The following PCDHGB7 variants were observed in gnomAD, a reference collection of about 807,000 sequenced individuals.
The protein encoded by PCDHGB7 is protocadherin gamma-B7.
PCDHGB7 carries 37 observed loss-of-function variants against 61.4 expected under a neutral mutation model. The ratio of observed to expected loss-of-function variants is 0.60; its 90% CI spans 0.46 to 0.79. The LOEUF is 0.79. PCDHGB7 is among the 30% of genes least tolerant of loss of function. The probability of loss-of-function intolerance (pLI) is 0.00; values close to 1 mark genes in which losing one functional copy is unlikely to be tolerated. For missense variants in PCDHGB7, 1,166 were observed against 1,202.5 expected (o/e 0.97, Z 0.45); for synonymous variants, 464 against 503.5 (o/e 0.92, Z 1.05).
Position 141,512,270 on chromosome 5 carries a change from G to C in PCDHGB7, c.*1097G>C, listed in dbSNP as rs1188941232. On this transcript the variant is annotated 3_prime_UTR_variant, in exon 4 of 4. Transcript: ENST00000398594. ...TCTGTGGGTGCTGGGTACTCCAGAG[G>C]TGCCACTGGTGGAAGGGTCAGCGGA... 6.5e-6 allele frequency: 1 copy of C among 152,714 alleles called. No homozygotes were observed. The highest frequency in any genetic ancestry group is 2.4e-5 in the African/African-American group (1 of 41,452). The allele number at this position is 152,714 out of a possible 1,614,324, so 9.5% of individuals were successfully genotyped here. A position where few individuals can be genotyped will look rare whatever the true frequency, so the allele number is the denominator to read the frequency against.
At position 141,466,670 on chromosome 5, in the gene PCDHGB7, G is replaced by C. The variant is rs994949602; in HGVS notation, c.2416-28137G>C. On this transcript the variant is annotated intron_variant, in intron 1 of 3. Transcript: ENST00000398594. ...TTCACAAAACATCAGTGATTTCACC[G>C]TTCTTCCACTCAAGCTTCATCATAA... Among the ~76,000 whole-genome samples, 3 of 152,046 alleles carry C rather than the reference G, an allele frequency of 2.0e-5. No homozygotes were observed. The South Asian group carries it at 6.2e-4, about 32-fold the overall frequency.
chr5:141,509,550 T>C (rs1562240751), intron 3 of PCDHGB7, among the ~76,000 whole-genome samples: 1 of 152,142 alleles, frequency 6.6e-6, no homozygotes, highest in Non-Finnish European at 1.5e-5. Flanking sequence ...TCTCATTTAG[T>C]CCTCACAGCA....
intron 2 of PCDHGB7, 99 bp from the exon 3 acceptor site, chr5:141,505,294 G>T: frequency 6.4e-7 from 1 of 1,572,086 alleles, no homozygotes; most frequent in Non-Finnish European, 8.6e-7. Context: ...GCATGGGGTA[G>T]GGTTAGGGTA....
chr5:141,474,242 G>A (rs575397598), intron 1 of PCDHGB7, among the ~76,000 whole-genome samples: 1 of 152,192 alleles, frequency 6.6e-6, no homozygotes, highest in African/African-American at 2.4e-5. Context: ...GCTGAATAGG[G>A]GAAAAAAAGA....
Position 141,419,271 on chromosome 5 carries a change from T to C in PCDHGB7, c.1412T>C (p.Ile471Thr), listed in dbSNP as rs2096352878. 4 of 1,613,902 alleles carry C rather than the reference T, an allele frequency of 2.5e-6. No homozygotes were observed. In the South Asian group the frequency reaches 3.3e-5, roughly 13 times the overall value. ...VPENNQPGAS[I>T]AQVSASDPDF... is the part of the protein sequence containing the mutation. ...GAAAACAACCAGCCGGGTGCCTCCA[T>C]AGCGCAAGTCAGTGCCTCTGACCCA... The change falls in exon 1 of 4, where the codon ATA (isoleucine) becomes ACA (threonine). Residue 471 changes from isoleucine (I) to threonine (T), a missense_variant. Physicochemically the swap from Ile to Thr is moderately conservative, Grantham distance 89. Transcript: ENST00000398594.
At chr5:141,448,331 A>T (rs2098582637) in intron 1 of PCDHGB7, among the ~76,000 whole-genome samples, 1 of 152,146 alleles carries the variant, frequency 6.6e-6, no homozygotes, top group Non-Finnish European at 1.5e-5. Flanking sequence ...GAATCTTTAT[A>T]GCCATGTACC....
Position 141,507,461 on chromosome 5 carries a change from G to A in PCDHGB7, c.2563+1980G>A, listed in dbSNP as rs145114393. On this transcript the variant is annotated intron_variant, in intron 3 of 3. Coordinates refer to ENST00000398594, the MANE Select transcript of PCDHGB7 (RefSeq NM_018927.4). ...AGCTGACGGAAGGACAGAGAGAGAG[G>A]TGGCAGGGACTGCTGGCCTCCTGAG... Among the ~76,000 whole-genome samples the A allele has an allele frequency of 3.8e-3, 581 of 152,330 alleles. 5 individuals are homozygous for A. Among genetic ancestry groups the A allele is most frequent in the African/African-American group, 0.012 (485 of 41,570 alleles).
Position 141,418,941 on chromosome 5 carries a change from C to T in PCDHGB7, c.1082C>T (p.Pro361Leu). 1 of 1,614,034 alleles carries T rather than the reference C, an allele frequency of 6.2e-7. No homozygotes were observed. The highest frequency in any genetic ancestry group is 8.5e-7 in the Non-Finnish European group (1 of 1,179,882). The change falls in exon 1 of 4, where the codon CCT becomes CTT. Residue 361 changes from proline (P) to leucine (L), a missense_variant. Pro to Leu is a moderately conservative substitution (Grantham distance 98, BLOSUM62 -3). Transcript: ENST00000398594. ...SLSDQIMEDSPPGVVVALFKT... is the reference protein window; with the variant it reads ...SLSDQIMEDSLPGVVVALFKT... ...TCTGATCAGATTATGGAGGATTCCC[C>T]TCCAGGAGTGGTTGTTGCCCTCTTC...
intron 2 of PCDHGB7, among the ~76,000 whole-genome samples, chr5:141,499,099 C>T (rs1031964059): frequency 1.3e-5 from 2 of 152,156 alleles, no homozygotes; most frequent in Non-Finnish European, 2.9e-5. Context: ...ACATGCTTCT[C>T]CTCCCCACCA....
chr5:141,478,849 C>A, intron 1 of PCDHGB7: 1 of 1,375,282 alleles, frequency 7.3e-7, no homozygotes, highest in Non-Finnish European at 9.6e-7. Flanking sequence ...TAAGCTAAAA[C>A]ACAAGATCTC....
chr5:141,489,641 C>T lies in PCDHGB7; in HGVS notation c.2416-5166C>T, dbSNP rs1356716387. On this transcript the variant is annotated intron_variant, in intron 1 of 3. Coordinates refer to ENST00000398594, the MANE Select transcript of PCDHGB7 (RefSeq NM_018927.4). This position sits in a 1 kb window ranked among gnomAD's most constrained non-coding sequence, Gnocchi z 4.5. The stretch of plus-strand genomic sequence containing the variant: ...CTCAATGACAACTCTCCTAGCTTTG[C>T]CACCCCTGAGCGAGAGATGCGCATC... The T allele has an allele frequency of 2.5e-6, 4 of 1,614,008 alleles. No individual in the cohort carries two copies. The highest frequency in any genetic ancestry group is 3.4e-6 in the Non-Finnish European group (4 of 1,180,012).
intron 1 of PCDHGB7, among the ~76,000 whole-genome samples, chr5:141,483,679 CAGAA>C (rs1470395939): frequency 6.7e-6 from 1 of 149,028 alleles, no homozygotes; most frequent in Non-Finnish European, 1.5e-5. Flanking sequence ...TAAAAGAACA[CAGAA>C]AGCCAGATTC....
rs548074156 is a variant in PCDHGB7 at position 141,511,069 on chromosome 5, G to A, written c.2686G>A (p.Gly896Ser). The A allele has an allele frequency of 6.2e-7, 1 of 1,614,230 alleles. No individual in the cohort carries two copies. Among genetic ancestry groups the A allele is most frequent in the Non-Finnish European group, 8.5e-7 (1 of 1,180,034 alleles). ...CTACCGCCAGAATGTCTACATCCCA[G>A]GCAGCAATGCCACACTGACCAACGC... ...PDYRQNVYIP[G>S]SNATLTNAAG... The change falls in exon 4 of 4, where the codon GGC becomes AGC. Residue 896 changes from glycine (G) to serine (S), a missense_variant. Physicochemically the swap from Gly to Ser is moderately conservative, Grantham distance 56 (BLOSUM62 0). Transcript: ENST00000398594.
intron 1 of PCDHGB7, among the ~76,000 whole-genome samples, chr5:141,449,909 A>G (rs2098658849): frequency 6.6e-6 from 1 of 151,828 alleles, no homozygotes; most frequent in Non-Finnish European, 1.5e-5. Context: ...TATAGTCCAT[A>G]TTTAAATTCT....
In PCDHGB7 at chr5:141,419,373, T is replaced by C; in HGVS notation, c.1514T>C (p.Val505Ala). 1.9e-6 allele frequency: 3 copies of C among 1,613,754 alleles called. No individual in the cohort carries two copies. Among genetic ancestry groups the C allele is most frequent in the Non-Finnish European group, 2.5e-6 (3 of 1,179,894 alleles). ...DLESRTLSSYVSVSAQSGVVF... is the reference protein window; with the variant it reads ...DLESRTLSSYASVSAQSGVVF... The stretch of plus-strand genomic sequence containing the variant: ...GAGTCACGAACGCTGTCGTCCTACG[T>C]GTCCGTGAGCGCGCAGAGCGGGGTG... The change falls in exon 1 of 4, where the codon GTG becomes GCG. Residue 505 changes from valine (V) to alanine (A), a missense_variant. Val to Ala is a moderately conservative substitution (Grantham distance 64). Transcript: ENST00000398594.
chr5:141,489,944 T>A lies in PCDHGB7; in HGVS notation c.2416-4863T>A. On this transcript the variant is annotated intron_variant, in intron 1 of 3. Coordinates refer to ENST00000398594, the MANE Select transcript of PCDHGB7 (RefSeq NM_018927.4). The surrounding 1 kb of genome is among the most constrained non-coding windows in gnomAD (Gnocchi z 4.5). ...CTTATCTCTGTCATCGTGCTGGACA[T>A]CAATGATAATGCTCCAACCTTCCAA... 1 of 1,614,172 alleles carries A rather than the reference T, an allele frequency of 6.2e-7. No individual in the cohort carries two copies. The highest frequency in any genetic ancestry group is 8.5e-7 in the Non-Finnish European group (1 of 1,180,010).
At chr5:141,445,086 A>T (rs190267063) in intron 1 of PCDHGB7, among the ~76,000 whole-genome samples, 163 of 152,322 alleles carry the variant, frequency 1.1e-3, no homozygotes, top group African/African-American at 3.6e-3. Flanking sequence ...TTGTCCCTAC[A>T]TATTTGATGT....
intron 1 of PCDHGB7, chr5:141,423,074 G>T (rs2096705802): frequency 6.2e-7 from 1 of 1,614,006 alleles, no homozygotes; most frequent in African/African-American, 1.3e-5. Flanking sequence ...AGCGAGCCGG[G>T]ACTCTTCGCG....
chr5:141,428,007 A>G, intron 1 of PCDHGB7: 1 of 1,602,018 alleles, frequency 6.2e-7, no homozygotes, highest in Non-Finnish European at 8.5e-7. Flanking sequence ...ACTCTTCGAT[A>G]TAGTGCCACG....
Sources: gnomAD v4.1 joint callset for allele counts (sites outside exome capture counted in the v4.1 genomes callset) on GRCh38, gnomAD v4.1.1 for gene constraint, Gnocchi (gnomAD v3.1) non-coding constraint, MANE v1.5 for transcripts, NCBI Gene and HGNC (gene_info 2026-07-23, HGNC 2026-07-21) for gene names.